Variants in IFT122 observed in about 807,000 individuals in gnomAD.
IFT122 encodes the protein intraflagellar transport protein 122 homolog.
In IFT122, 118 loss-of-function variants were observed where a neutral mutation model predicts 161.6. That is an observed-to-expected ratio of 0.73 (90% CI 0.63 to 0.85). The LOEUF is 0.85. Among genes scored for constraint, IFT122 ranks in the 40% least tolerant of loss-of-function variants. The probability of loss-of-function intolerance (pLI) is 0.00; values close to 1 mark genes in which losing one functional copy is unlikely to be tolerated. For missense variants in IFT122, 1,381 were observed against 1,579.6 expected, an observed-to-expected ratio of 0.87 and a Z score of 2.13; for synonymous variants, 550 against 602.4, an observed-to-expected ratio of 0.91 and a Z score of 1.27.
intron 23 of IFT122, among the ~76,000 whole-genome samples, chr3:129,511,723 G>A (rs78959157): frequency 0.011 from 1,616 of 152,326 alleles, 30 homozygotes; most frequent in African/African-American, 0.036. Flanking sequence ...AGGAGCCAGG[G>A]AAATGGGTCA....
At chr3:129,467,694 G>A (rs1231983420) in intron 8 of IFT122, among the ~76,000 whole-genome samples, 1 of 152,220 alleles carries the variant, frequency 6.6e-6, no homozygotes, top group East Asian at 1.9e-4. Context: ...TGCCTGTAGG[G>A]AAAACATGGG....
intron 4 of IFT122, chr3:129,459,522 T>G (rs1446905738): frequency 4.1e-6 from 1 of 241,896 alleles, no homozygotes; most frequent in Non-Finnish European, 8.3e-6. Context: ...ATCTCCTGAC[T>G]ACATCTATTT....
At chr3:129,463,699 A>G in intron 6 of IFT122, 73 bp downstream of exon 6, 7 of 1,274,546 alleles carry the variant, frequency 5.5e-6, no homozygotes, top group Non-Finnish European at 5.7e-6. Flanking sequence ...CAATTATTTC[A>G]TGCAGCAGAG....
intron 2 of IFT122, 126 bp downstream of exon 2, chr3:129,450,063 T>C: frequency 1.4e-6 from 1 of 725,694 alleles, no homozygotes; most frequent in Non-Finnish European, 2.5e-6. Context: ...ACCTTCCCTA[T>C]TACTTTTTAA....
Position 129,519,620 on chromosome 3 carries a change from C to G in IFT122, c.3524C>G (p.Ser1175Cys), listed in dbSNP as rs1201960010. Residue 1175 changes from serine to cysteine, a missense_variant, in exon 29 of 30, where the codon TCC becomes TGC. By Grantham distance (112) the Ser-to-Cys change is moderately radical. This residue lies in a region of IFT122 where 177 missense variants were observed against 199.2 expected (regional missense o/e 0.89). Transcript: ENST00000348417. ...PVVVSRLVLRSMSRRDVLIKR... is the reference protein window; with the variant it reads ...PVVVSRLVLRCMSRRDVLIKR... The stretch of plus-strand genomic sequence containing the variant: ...GTGGTGAGCCGGCTGGTGCTGCGCT[C>G]CATGAGCCGCCGGGATGTCCTCATC... The G allele has an allele frequency of 6.2e-6, 10 of 1,613,508 alleles. No individual in the cohort carries two copies. Among genetic ancestry groups the G allele is most frequent in the Non-Finnish European group, 8.5e-6 (10 of 1,180,030 alleles).
At chr3:129,480,519 A>C (rs1211466096) in intron 13 of IFT122, among the ~76,000 whole-genome samples, 1 of 152,266 alleles carries the variant, frequency 6.6e-6, no homozygotes, top group African/African-American at 2.4e-5. Context: ...ATGTAGCTGC[A>C]TTAGCCTGAC....
chr3:129,475,789 G>C (rs925390738), intron 9 of IFT122, among the ~76,000 whole-genome samples: 22 of 152,206 alleles, frequency 1.4e-4, no homozygotes, highest in Non-Finnish European at 8.8e-5. Flanking sequence ...ACTCCAGCCT[G>C]GGTGACAGAG....
chr3:129,484,040 CGTGT>C (rs1194932234), intron 15 of IFT122: 1 of 344,108 alleles, frequency 2.9e-6, no homozygotes, highest in African/African-American at 2.3e-5. Context: ...TGTGTGAGTA[CGTGT>C]GTGATGGTGG....
chr3:129,519,566 A>G lies in IFT122; in HGVS notation c.3472-2A>G. The G allele has an allele frequency of 1.2e-6, 2 of 1,613,264 alleles. No homozygotes were observed. Among genetic ancestry groups the G allele is most frequent in the Non-Finnish European group, 1.7e-6 (2 of 1,179,998 alleles). On this transcript the variant is annotated splice_acceptor_variant, in intron 28 of 29. Coordinates refer to ENST00000348417, the MANE Select transcript of IFT122 (RefSeq NM_052989.3). LOFTEE classifies it high-confidence loss of function. ...TGTGCCTCCTTCCCGCCCACCCTGCAGCAAGGTGGCTCAGAGTTCGTGCCA... is the reference window on the plus strand; with the variant it reads ...TGTGCCTCCTTCCCGCCCACCCTGCGGCAAGGTGGCTCAGAGTTCGTGCCA...
At position 129,520,195 on chromosome 3, in the gene IFT122, A is replaced by G. The variant is rs924062102; in HGVS notation, c.3656A>G (p.Tyr1219Cys). ...CCTTAGATGTTCCATTCTGAGGACTATGAGTTGCTGGTGCTTCAGCATGGC... is the reference window on the plus strand; with the variant it reads ...CCTTAGATGTTCCATTCTGAGGACTGTGAGTTGCTGGTGCTTCAGCATGGC... ...SCFQMFHSED[Y>C]ELLVLQHGCC... The change falls in exon 30 of 30, where the codon TAT (tyrosine) becomes TGT (cysteine). Residue 1219 changes from tyrosine (Y) to cysteine (C), a missense_variant. Tyr to Cys is a radical substitution (Grantham distance 194). Transcript: ENST00000348417. 24 of 1,612,184 alleles carry G rather than the reference A, an allele frequency of 1.5e-5. No homozygotes were observed. Among genetic ancestry groups the G allele is most frequent in the Middle Eastern group, 1.9e-4 (1 of 5,322 alleles).
intron 18 of IFT122, among the ~76,000 whole-genome samples, chr3:129,499,420 AAGC>A (rs3836537): frequency 0.23 from 34,880 of 151,786 alleles, 6,010 homozygotes; most frequent in East Asian, 0.49. Context: ...CCTCACTCTG[AAGC>A]ATGTGGTATC....
At chr3:129,513,947 G>T (rs577254266) in intron 24 of IFT122, 68 of 342,660 alleles carry the variant, frequency 2.0e-4, no homozygotes, top group African/African-American at 1.3e-3. Context: ...ACAGAGTGGG[G>T]TACACCCAGG....
chr3:129,499,493 C>A (rs2081279342), intron 18 of IFT122, among the ~76,000 whole-genome samples: 1 of 152,204 alleles, frequency 6.6e-6, no homozygotes, highest in Non-Finnish European at 1.5e-5. Flanking sequence ...ACCAGGTTGT[C>A]TCATTGCTGT....
rs111641979 is a variant in IFT122 at position 129,509,241 on chromosome 3, C to CT, written c.2886+1481dup. Among the ~76,000 whole-genome samples, 815 of 152,324 alleles carry CT rather than the reference C, an allele frequency of 5.4e-3. 10 individuals are homozygous for CT. Among genetic ancestry groups the CT allele is most frequent in the African/African-American group, 0.019 (787 of 41,560 alleles). The stretch of plus-strand genomic sequence containing the variant: ...TTTCTATCAGCTCATGAGGCACCCA[C>CT]TTATCAAGCTTTTTCACCTTCCCAA... On this transcript the variant is annotated intron_variant, in intron 23 of 29. Coordinates refer to ENST00000348417, the MANE Select transcript of IFT122 (RefSeq NM_052989.3).
chr3:129,466,587 C>T (rs570960896), intron 7 of IFT122, among the ~76,000 whole-genome samples: 9 of 150,560 alleles, frequency 6.0e-5, no homozygotes, highest in Admixed American at 1.3e-4. Context: ...CTGCAACCTC[C>T]GCCTCCCAGG....
intron 2 of IFT122, among the ~76,000 whole-genome samples, chr3:129,450,713 G>GTTTTTTTTTTT (rs747032492): frequency 1.2e-5 from 1 of 80,964 alleles, no homozygotes; most frequent in Non-Finnish European, 2.3e-5. Context: ...GTGTGTGTGT[G>GTTTTTTTTTTT]TTTTTTTTTT....
At chr3:129,503,492 C>T (rs576055227) in intron 20 of IFT122, among the ~76,000 whole-genome samples, 16 of 152,160 alleles carry the variant, frequency 1.1e-4, no homozygotes, top group Non-Finnish European at 2.2e-4. Flanking sequence ...CAACCCCCAC[C>T]CTCCAGCTCA....
intron 23 of IFT122, among the ~76,000 whole-genome samples, chr3:129,512,082 C>T (rs1007225884): frequency 2.0e-5 from 3 of 152,084 alleles, no homozygotes; most frequent in East Asian, 1.9e-4. Context: ...ATCTAGGTGT[C>T]GGTTTCCTCA....
intron 4 of IFT122, among the ~76,000 whole-genome samples, chr3:129,459,043 T>G (rs2075857509): frequency 6.6e-6 from 1 of 152,170 alleles, no homozygotes; most frequent in Non-Finnish European, 1.5e-5. Context: ...GCTCCAGGCC[T>G]CCTCTTACTA....
Sources: allele counts gnomAD v4.1 joint callset (sites outside exome capture counted in the v4.1 genomes callset), GRCh38; gene constraint gnomAD v4.1.1; regional missense constraint gnomAD v4.1.1; transcripts MANE v1.5; gene names NCBI Gene and HGNC (gene_info 2026-07-23, HGNC 2026-07-21).